COMMD1: variants seen among roughly 807,000 people sequenced by gnomAD.
COMMD1 encodes COMM domain-containing protein 1.
A neutral mutation model predicts 17.2 loss-of-function variants in COMMD1; 10 were observed. The observed-to-expected ratio is 0.58, with a 90% confidence interval of 0.36 to 0.99. The LOEUF (loss-of-function observed/expected upper bound fraction) is 0.99. COMMD1 is among the 50% of genes least tolerant of loss of function. The pLI, the probability that COMMD1 is intolerant of heterozygous loss-of-function variation, is 0.01. For missense variants in COMMD1, 270 were observed against 231.8 expected, an observed-to-expected ratio of 1.17 and a Z score of -1.07; for synonymous variants, 97 against 91.6, an observed-to-expected ratio of 1.06 and a Z score of -0.34.
intron 2 of COMMD1, among the ~76,000 whole-genome samples, chr2:62,102,356 T>TG: frequency 6.6e-6 from 1 of 152,366 alleles, no homozygotes; most frequent in African/African-American, 2.4e-5. Context: ...CTAGTACAGA[T>TG]GCCATTTCCT....
chr2:61,989,849 A>G (rs1040666194), intron 1 of COMMD1, among the ~76,000 whole-genome samples: 46 of 152,276 alleles, frequency 3.0e-4, no homozygotes, highest in African/African-American at 1.1e-3. Context: ...CCAGTTTTGC[A>G]GACCTTGGGG....
chr2:61,956,625 G>C (rs1468443749), intron 1 of COMMD1, among the ~76,000 whole-genome samples: 1 of 152,002 alleles, frequency 6.6e-6, no homozygotes, highest in Non-Finnish European at 1.5e-5. Flanking sequence ...TGGCCAGGCT[G>C]GTCTCAAACT....
chr2:62,126,348 C>T (rs142673871), intron 2 of COMMD1, among the ~76,000 whole-genome samples: 2 of 152,200 alleles, frequency 1.3e-5, no homozygotes. Context: ...AATCGCCACA[C>T]CGTCTTCCAC....
intron 1 of COMMD1, among the ~76,000 whole-genome samples, chr2:61,993,045 C>T (rs1672292355): frequency 6.6e-6 from 1 of 152,086 alleles, no homozygotes; most frequent in South Asian, 2.1e-4. Flanking sequence ...TTACCTTATA[C>T]CTCATAGGAG....
rs187611326 is a variant in COMMD1, at chr2:61,907,614, C to T, written c.180+1756C>T. Among the ~76,000 whole-genome samples, 10 of 152,048 alleles carry T rather than the reference C, an allele frequency of 6.6e-5. 1 individual carries two copies. The highest frequency in any genetic ancestry group is 3.4e-3 in the Middle Eastern group (1 of 294). ...GGGCTACTTCTCCTCTCTAGGTGGA[C>T]GACATTTTGATTCATTTGTTTTGTT... On this transcript the variant is annotated intron_variant, in intron 1 of 2. Transcript: ENST00000311832.
At chr2:61,944,949 C>G (rs1276014129) in intron 1 of COMMD1, among the ~76,000 whole-genome samples, 1 of 152,026 alleles carries the variant, frequency 6.6e-6, no homozygotes, top group African/African-American at 2.4e-5. Context: ...TTTGTTTTTC[C>G]TTTTTGCTGC....
At chr2:61,925,028 G>C (rs567111353) in intron 1 of COMMD1, among the ~76,000 whole-genome samples, 1 of 152,272 alleles carries the variant, frequency 6.6e-6, no homozygotes, top group East Asian at 1.9e-4. Flanking sequence ...CAAGGGTTCC[G>C]GGGGCAAGGC....
chr2:62,106,292 T>C (rs745582544), intron 2 of COMMD1, among the ~76,000 whole-genome samples: 1 of 152,272 alleles, frequency 6.6e-6, no homozygotes, highest in Non-Finnish European at 1.5e-5. Context: ...TTTAATCTTA[T>C]ATGTGTTTGC....
chr2:61,902,442 G>A (rs1669676520), upstream of COMMD1, among the ~76,000 whole-genome samples: 1 of 151,866 alleles, frequency 6.6e-6, no homozygotes, highest in Non-Finnish European at 1.5e-5. Context: ...GGAGGCGGAG[G>A]TTGTGGTGAG....
chr2:62,003,295 A>C (rs1669012162), intron 2 of COMMD1, among the ~76,000 whole-genome samples: 1 of 151,312 alleles, frequency 6.6e-6, no homozygotes, highest in Admixed American at 6.6e-5. Context: ...TAATCTCAAC[A>C]CTTTGGGAGG....
At position 61,984,778 on chromosome 2, in the gene COMMD1, A is replaced by G. The variant is rs1027382995; in HGVS notation, c.181-15923A>G. Among the ~76,000 whole-genome samples the G allele has an allele frequency of 7.9e-5, 12 of 152,146 alleles. No homozygotes were observed. In the South Asian group the frequency reaches 1.2e-3, roughly 16 times the overall value. ...TGTTGAAGTCTCCAGCTATTATTGT[A>G]TTGGGGTCTGTCTCTTTAGCTCTAA... On this transcript the variant is annotated intron_variant, in intron 1 of 2. Coordinates refer to ENST00000311832, the MANE Select transcript of COMMD1 (RefSeq NM_152516.4).
chr2:62,103,375 G>A (rs1672239391), intron 2 of COMMD1, among the ~76,000 whole-genome samples: 1 of 152,180 alleles, frequency 6.6e-6, no homozygotes, highest in African/African-American at 2.4e-5. Flanking sequence ...AAAGGCTTCT[G>A]TGAATACAGG....
intron 1 of COMMD1, among the ~76,000 whole-genome samples, chr2:61,951,188 G>A (rs1420278408): frequency 2.0e-5 from 3 of 152,176 alleles, no homozygotes; most frequent in Non-Finnish European, 2.9e-5. Context: ...CTGCGGCTGG[G>A]CACAGTGGCT....
chr2:61,898,110 T>G (rs1216550716), intron 1 of COMMD1, among the ~76,000 whole-genome samples: 1 of 152,218 alleles, frequency 6.6e-6, no homozygotes, highest in Admixed American at 6.5e-5. Flanking sequence ...GAATGTAAGA[T>G]TTTAAGGCAG....
At chr2:62,062,289 T>C (rs1022552887) in intron 2 of COMMD1, among the ~76,000 whole-genome samples, 2 of 151,650 alleles carry the variant, frequency 1.3e-5, no homozygotes, top group African/African-American at 4.8e-5. Flanking sequence ...TGCAGTGGCA[T>C]GATCTCAGCT....
rs70962759 is a variant in COMMD1, at chr2:62,116,676, CAAAAAAAAAA to C, written c.463-19137_463-19128del. Among the ~76,000 whole-genome samples the C allele has an allele frequency of 6.0e-4, 17 of 28,542 alleles. No homozygotes were observed. The Admixed American group carries it at 6.1e-3, about 10-fold the overall frequency. 18.7% of individuals were successfully genotyped at this position (28,542 alleles called of 152,430 possible). A position where few individuals can be genotyped will look rare whatever the true frequency, so the allele number is the denominator to read the frequency against. The stretch of plus-strand genomic sequence containing the variant: ...GACAGAGCGAGACTCTGTCTCATTA[CAAAAAAAAAA>C]AAAAAAAAAAAAAAAAAGGCCGGGC... On this transcript the variant is annotated intron_variant, in intron 2 of 2. Coordinates refer to ENST00000311832, the MANE Select transcript of COMMD1 (RefSeq NM_152516.4).
At chr2:62,115,329 C>T (rs1672562527) in intron 2 of COMMD1, among the ~76,000 whole-genome samples, 1 of 152,232 alleles carries the variant, frequency 6.6e-6, no homozygotes, top group African/African-American at 2.4e-5. Flanking sequence ...ATATTTCTCA[C>T]ATTTTTAAGA....
At chr2:61,888,403 G>A (rs1042452002), upstream of COMMD1, 4 of 1,613,146 alleles carry the variant, frequency 2.5e-6, no homozygotes, top group Non-Finnish European at 2.5e-6. Context: ...AAATGTTGCT[G>A]AAGCGGATCT....
At chr2:62,073,816 A>C (rs1671264672) in intron 2 of COMMD1, among the ~76,000 whole-genome samples, 1 of 152,130 alleles carries the variant, frequency 6.6e-6, no homozygotes, top group Admixed American at 6.5e-5. Flanking sequence ...CTCCTGCCTC[A>C]GCCTCCGAAG....
Sources: allele counts gnomAD v4.1 joint callset (sites outside exome capture counted in the v4.1 genomes callset), GRCh38; gene constraint gnomAD v4.1.1; transcripts MANE v1.5; gene names NCBI Gene and HGNC (gene_info 2026-07-23, HGNC 2026-07-21).